The following CTSE variants were observed in gnomAD, a reference collection of about 807,000 sequenced individuals.
CTSE encodes the protein cathepsin E, also known as erythrocyte membrane aspartic proteinase.
In CTSE, 43 loss-of-function variants were observed where a neutral mutation model predicts 42.8. That is an observed-to-expected ratio of 1.01 (90% confidence interval 0.79 to 1.30). CTSE has a LOEUF of 1.30. Among genes scored for constraint, CTSE ranks in the 50% most tolerant of loss-of-function variants. The pLI, the probability that CTSE is intolerant of heterozygous loss-of-function variation, is 0.00. For missense variants in CTSE, 532 were observed against 493.5 expected (o/e 1.08, Z -0.74); for synonymous variants, 205 against 191.5 (o/e 1.07, Z -0.58).
At chr1:206,020,195 A>G (rs1000134354) in intron 4 of CTSE, among the ~76,000 whole-genome samples, 19 of 149,038 alleles carry the variant, frequency 1.3e-4, no homozygotes, top group Admixed American at 4.7e-4. Flanking sequence ...TATATATTAT[A>G]TATGTAATGT....
At chr1:206,019,865 A>G (rs992609267) in intron 4 of CTSE, among the ~76,000 whole-genome samples, 3 of 140,350 alleles carry the variant, frequency 2.1e-5, no homozygotes, top group Non-Finnish European at 4.6e-5. Context: ...TATATAATAG[A>G]TTAACATAAT....
rs781951811 is a variant in CTSE, at chr1:206,022,158, G to A, written c.335C>T (p.Pro112Leu). The change falls in exon 3 of 9, where the codon CCA becomes CTA. Residue 112 changes from proline to leucine, a missense_variant. Pro to Leu is a moderately conservative substitution (Grantham distance 98). Coordinates refer to ENST00000358184, the MANE Select transcript of CTSE (RefSeq NM_001910.4). The part of the protein sequence containing the change: ...LWVPSVYCTS[P>L]ACKTHSRFQP... ...CTCCTGGCCCCACTTACTGCAGGCT[G>A]GGCTAGTGCAGTACACAGAGGGGAC... 6.3e-7 allele frequency: 1 copy of A among 1,596,288 alleles called. No individual in the cohort carries two copies. The highest frequency in any genetic ancestry group is 8.6e-7 in the Non-Finnish European group (1 of 1,167,210).
rs1398785540 is a variant in CTSE at position 206,021,049 on chromosome 1, A to G, written c.462T>C (p.Ser154=). Residue 154 remains serine, a splice_region_variant and synonymous_variant, in exon 4 of 9, where the codon TCT becomes TCC. Transcript: ENST00000358184. ...LSGIIGADQV[S]VEGLTVVGQQ... Reference sequence around the variant, plus strand: ...GAAAAAATGAAGGACTTGCACTCACAGAGACTTGGTCGGCTCCAATGATCC... The same window carrying G: ...GAAAAAATGAAGGACTTGCACTCACGGAGACTTGGTCGGCTCCAATGATCC... The G allele has an allele frequency of 6.3e-6, 10 of 1,599,562 alleles. No individual in the cohort carries two copies. Among genetic ancestry groups the G allele is most frequent in the Non-Finnish European group, 7.7e-6 (9 of 1,166,804 alleles).
intron 4 of CTSE, 26 bp downstream of exon 4, chr1:206,021,023 A>AG (rs782305406): frequency 1.3e-6 from 2 of 1,506,112 alleles, no homozygotes; most frequent in South Asian, 2.2e-5. Context: ...TGTCCAAGAG[A>AG]GAAAAAATGA....
chr1:206,023,788 T>G lies in CTSE; in HGVS notation c.4A>C (p.Lys2Gln). The change falls in exon 1 of 9, where the codon AAA becomes CAA. Residue 2 changes from lysine to glutamine, a missense_variant. Coordinates refer to ENST00000358184, the MANE Select transcript of CTSE (RefSeq NM_001910.4). M[K>Q]TLLLLLLVLL... The stretch of plus-strand genomic sequence containing the variant: ...ACCAGCAGCAAAAGAAGGAGCGTTT[T>G]CATTGTGAGTCCGACCAGCAGCTTC... 6.2e-7 allele frequency: 1 copy of G among 1,613,588 alleles called. No individual in the cohort carries two copies. The highest frequency in any genetic ancestry group is 8.5e-7 in the Non-Finnish European group (1 of 1,179,698).
chr1:206,020,999 G>A lies in CTSE; in HGVS notation c.462+50C>T. 5 of 1,323,780 alleles carry A rather than the reference G, an allele frequency of 3.8e-6. No individual in the cohort carries two copies. In the East Asian group the frequency reaches 6.9e-5, roughly 18 times the overall value. 82.0% of individuals were successfully genotyped at this position (1,323,780 alleles called of 1,614,324 possible). A position where few individuals can be genotyped will look rare whatever the true frequency, so the allele number is the denominator to read the frequency against. On this transcript the variant is annotated intron_variant, in intron 4 of 8. Transcript: ENST00000358184. ...TTTGAAATGTAAGACCTCTGAATAAGTCTCCCAAGTTTCTGTCCAAGAGAG... is the reference window on the plus strand; with the variant it reads ...TTTGAAATGTAAGACCTCTGAATAAATCTCCCAAGTTTCTGTCCAAGAGAG...
intron 1 of CTSE, 87 bp from the exon 2 acceptor site, chr1:206,023,144 AGAG>A: frequency 1.9e-6 from 1 of 516,956 alleles, no homozygotes; most frequent in East Asian, 5.9e-5. Flanking sequence ...GGGGCCAACT[AGAG>A]AAGATGGGGT....
intron 6 of CTSE, 49 bp downstream of exon 6, chr1:206,013,723 C>T: frequency 6.3e-7 from 1 of 1,590,500 alleles, no homozygotes; most frequent in Admixed American, 1.7e-5. Context: ...AGTTGTGCCT[C>T]TTTTCAGTTT....
chr1:206,013,131 A>G (rs1265262563), intron 6 of CTSE, among the ~76,000 whole-genome samples: 1 of 152,022 alleles, frequency 6.6e-6, no homozygotes, highest in Non-Finnish European at 1.5e-5. Flanking sequence ...CAGGAACTCA[A>G]TCCTAGCTGA....
rs115461250 is a variant in CTSE, at chr1:206,011,327, G to A, written c.1027-980C>T. On this transcript the variant is annotated intron_variant, in intron 8 of 8. Transcript: ENST00000358184. ...CCCACTCTTTTTTGGGCTCTCCAGC[G>A]CCTGGAGCACATCAGTGATTTCCAC... Among the ~76,000 whole-genome samples, 239 of 152,064 alleles carry A rather than the reference G, an allele frequency of 1.6e-3. 2 individuals carry two copies. The highest frequency in any genetic ancestry group is 5.4e-3 in the African/African-American group (225 of 41,514).
At chr1:206,010,383 G>A in intron 8 of CTSE, 36 bp from the exon 9 acceptor site, 2 of 1,580,924 alleles carry the variant, frequency 1.3e-6, no homozygotes, top group Non-Finnish European at 1.7e-6. Flanking sequence ...ATGACAAACG[G>A]GGGAAGAAGG....
At chr1:206,022,445 G>A (rs1180475763) in intron 2 of CTSE, among the ~76,000 whole-genome samples, 178 bp from the exon 3 acceptor site, 3 of 152,048 alleles carry the variant, frequency 2.0e-5, no homozygotes, top group Non-Finnish European at 1.5e-5. Flanking sequence ...CAGAGAAATG[G>A]CCATGAAGGA....
chr1:206,022,016 G>C (rs1441031493), intron 3 of CTSE, 134 bp downstream of exon 3: 1 of 593,096 alleles, frequency 1.7e-6, no homozygotes, highest in Non-Finnish European at 2.9e-6. Flanking sequence ...CTGACTCAAA[G>C]ATGGAGAGTG....
In CTSE at chr1:206,012,475, C is replaced by T. The variant is rs1336293890; in HGVS notation, c.927+33G>A. The T allele has an allele frequency of 6.8e-6, 11 of 1,613,810 alleles. 1 individual carries two copies. The highest frequency in any genetic ancestry group is 5.3e-5 in the African/African-American group (4 of 74,926). On this transcript the variant is annotated intron_variant, in intron 7 of 8. Transcript: ENST00000358184. ...CCAAGAGAAGGCCTGGCTCTCCTGTCCCCACCACTCCCTTGCGCAGGCAGG... is the reference window on the plus strand; with the variant it reads ...CCAAGAGAAGGCCTGGCTCTCCTGTTCCCACCACTCCCTTGCGCAGGCAGG...
chr1:206,023,574 G>T, intron 1 of CTSE, 150 bp downstream of exon 1: 1 of 675,900 alleles, frequency 1.5e-6, no homozygotes, highest in Non-Finnish European at 2.6e-6. Flanking sequence ...ATACACAGGC[G>T]GTCACTGGAT....
intron 5 of CTSE, among the ~76,000 whole-genome samples, chr1:206,015,070 G>T (rs1239672908): frequency 3.3e-5 from 5 of 152,188 alleles, no homozygotes; most frequent in Non-Finnish European, 5.9e-5. Context: ...CCGGGCAAGA[G>T]TGCCTAGAAA....
rs1017579803 is a variant in CTSE, at chr1:206,019,772, T to C, written c.462+1277A>G. 2.1e-5 allele frequency among the ~76,000 whole-genome samples: 3 copies of C among 145,646 alleles called. 1 individual carries two copies. Among genetic ancestry groups the C allele is most frequent in the Non-Finnish European group, 4.5e-5 (3 of 66,976 alleles). On this transcript the variant is annotated intron_variant, in intron 4 of 8. Coordinates refer to ENST00000358184, the MANE Select transcript of CTSE (RefSeq NM_001910.4). ...TAACATAATATATACACATTACATA[T>C]ATATTGTGTTAATCTATTATATAAT...
rs371242472 is a variant in CTSE at position 206,023,010 on chromosome 1, C to T, written c.116G>A (p.Arg39Gln). 1.7e-5 allele frequency: 27 copies of T among 1,613,218 alleles called. 2 individuals are homozygous for T. The highest frequency in any genetic ancestry group is 2.2e-5 in the South Asian group (2 of 91,044). ...TTTCCAGAACTCAGAGAGCTGGCTC[C>T]GTGCCCGCAGCTTCTTCTTGAGGGA... ...HPSLKKKLRA[R>Q]SQLSEFWKSH... is the part of the protein sequence containing the mutation. Residue 39 changes from arginine to glutamine, a missense_variant, in exon 2 of 9, where the codon CGG becomes CAG. Coordinates refer to ENST00000358184, the MANE Select transcript of CTSE (RefSeq NM_001910.4).
Position 206,022,275 on chromosome 1 carries a change from G to A in CTSE, c.226-8C>T. 1 of 1,584,892 alleles carries A rather than the reference G, an allele frequency of 6.3e-7. No individual in the cohort carries two copies. Among genetic ancestry groups the A allele is most frequent in the Non-Finnish European group, 8.6e-7 (1 of 1,156,764 alleles). On this transcript the variant is annotated splice_region_variant and splice_polypyrimidine_tract_variant and intron_variant, in intron 2 of 8. Coordinates refer to ENST00000358184, the MANE Select transcript of CTSE (RefSeq NM_001910.4). ...AGTGCCGAAGTATTCCATCTGCAAG[G>A]AAGAGTGAGAAGGAAAGAGGGTGTG...
Sources: allele counts gnomAD v4.1 joint callset (sites outside exome capture counted in the v4.1 genomes callset), GRCh38; gene constraint gnomAD v4.1.1; transcripts MANE v1.5; gene names NCBI Gene and HGNC (gene_info 2026-07-23, HGNC 2026-07-21).